The following OR51B5 variants were observed in gnomAD, a reference collection of about 807,000 sequenced individuals.
OR51B5 encodes olfactory receptor 51B5.
For synonymous variants in OR51B5, 186 were observed against 144.8 expected, an observed-to-expected ratio of 1.28 and a Z score of -2.04; for missense variants, 456 against 374.6, an observed-to-expected ratio of 1.22 and a Z score of -1.79.
chr11:5,496,309 T>G (rs974907506), intron 1 of OR51B5, among the ~76,000 whole-genome samples: 1 of 624 alleles, frequency 1.6e-3, no homozygotes, highest in Admixed American at 0.024. Context: ...TTTTATCTCT[T>G]ATGCATTTCT....
intron 1 of OR51B5, among the ~76,000 whole-genome samples, chr11:5,356,000 A>G (rs1378796043): frequency 6.8e-6 from 1 of 146,580 alleles, no homozygotes; most frequent in African/African-American, 2.5e-5. Context: ...CAAAGACCAA[A>G]GGTAGATAAA....
chr11:5,356,293 A>G lies in OR51B5; in HGVS notation n.85-9383T>C, dbSNP rs1195484031. On this transcript the variant is annotated intron_variant and non_coding_transcript_variant, in intron 1 of 4. Coordinates refer to the OR51B5 transcript ENST00000415970. Reference sequence around the variant, plus strand: ...GAGAAGTCCTTAAAGGACCTGATGGAGCTGAAAACCAAGGCATGAGAACTA... The same window carrying G: ...GAGAAGTCCTTAAAGGACCTGATGGGGCTGAAAACCAAGGCATGAGAACTA... 8.5e-5 allele frequency among the ~76,000 whole-genome samples: 13 copies of G among 152,162 alleles called. No homozygotes were observed. The South Asian group carries it at 2.3e-3, about 27-fold the overall frequency.
intron 1 of OR51B5, among the ~76,000 whole-genome samples, chr11:5,379,474 A>AACAT (rs1849577898): frequency 8.4e-6 from 1 of 119,602 alleles, no homozygotes; most frequent in Non-Finnish European, 1.9e-5. Context: ...AATAATAAAT[A>AACAT]AAATAAATAA....
At chr11:5,357,874 A>C (rs1244028640) in intron 1 of OR51B5, among the ~76,000 whole-genome samples, 7 of 151,904 alleles carry the variant, frequency 4.6e-5, no homozygotes, top group African/African-American at 1.4e-4. Context: ...AACCGAACAA[A>C]TTGCTCCTGA....
chr11:5,441,604 G>A, intron 1 of OR51B5: 1 of 968,978 alleles, frequency 1.0e-6, no homozygotes, highest in Admixed American at 2.4e-5. Context: ...CCAACAAAAG[G>A]TCATAGATTG....
At chr11:5,344,079 C>A (rs1232043794), upstream of OR51B5, among the ~76,000 whole-genome samples, 1 of 152,168 alleles carries the variant, frequency 6.6e-6, no homozygotes, top group Non-Finnish European at 1.5e-5. Context: ...AGCTAAGGAG[C>A]AGTCAGATTG....
intron 1 of OR51B5, among the ~76,000 whole-genome samples, chr11:5,418,236 C>T (rs1056076120): frequency 2.0e-5 from 3 of 151,894 alleles, no homozygotes; most frequent in Non-Finnish European, 4.4e-5. Flanking sequence ...AGGGGAACAT[C>T]ACACTCTGGG....
intron 1 of OR51B5, chr11:5,352,225 GTC>G: frequency 1.2e-6 from 2 of 1,614,146 alleles, no homozygotes; most frequent in Non-Finnish European, 1.7e-6. Context: ...CAACACATGT[GTC>G]TCTCATATCT....
intron 1 of OR51B5, chr11:5,422,804 T>C (rs1197449017): frequency 6.2e-7 from 1 of 1,614,144 alleles, no homozygotes; most frequent in East Asian, 2.2e-5. Flanking sequence ...CTGGTATGGA[T>C]TTGCTCTTGC....
intron 1 of OR51B5, chr11:5,352,060 C>T (rs1589947759): frequency 6.2e-7 from 1 of 1,614,034 alleles, no homozygotes; most frequent in Middle Eastern, 1.6e-4. Flanking sequence ...TGTCATCAAG[C>T]TAGCCTGTGC....
intron 1 of OR51B5, among the ~76,000 whole-genome samples, chr11:5,469,714 C>A (rs1232208547): frequency 6.6e-6 from 1 of 152,084 alleles, no homozygotes; most frequent in African/African-American, 2.4e-5. Flanking sequence ...TAGTTTTTTA[C>A]ATTGGTTGAC....
At chr11:5,416,916 G>T (rs1324853039) in intron 1 of OR51B5, among the ~76,000 whole-genome samples, 1 of 151,230 alleles carries the variant, frequency 6.6e-6, no homozygotes, top group African/African-American at 2.4e-5. Flanking sequence ...TCACAGAATT[G>T]GAAAAAACTA....
chr11:5,424,992 AAAAAAGAAGTG>A (rs1399476662), intron 1 of OR51B5, among the ~76,000 whole-genome samples: 1 of 144,778 alleles, frequency 6.9e-6, no homozygotes, highest in Non-Finnish European at 1.5e-5. Context: ...AAAAAAAAAA[AAAAAAGAAGTG>A]AAAGGCAGAA....
intron 1 of OR51B5, chr11:5,468,398 T>C (rs1220467317): frequency 1.0e-5 from 3 of 287,148 alleles, no homozygotes; most frequent in African/African-American, 4.5e-5. Flanking sequence ...TGGAGGGAGA[T>C]TGAAAGGCTC....
chr11:5,409,546 T>C (rs1850111722), intron 1 of OR51B5, among the ~76,000 whole-genome samples: 1 of 151,660 alleles, frequency 6.6e-6, no homozygotes, highest in South Asian at 2.1e-4. Flanking sequence ...TTTAAAAGAA[T>C]ATTAAAGGCA....
chr11:5,365,322 T>C (rs1849347801), intron 1 of OR51B5, among the ~76,000 whole-genome samples: 1 of 152,076 alleles, frequency 6.6e-6, no homozygotes, highest in South Asian at 2.1e-4. Context: ...AAAACATGGG[T>C]ATAGAGCATA....
chr11:5,401,867 TC>T (rs1849973755), intron 1 of OR51B5, among the ~76,000 whole-genome samples: 1 of 97,182 alleles, frequency 1.0e-5, no homozygotes, highest in Non-Finnish European at 2.0e-5. Flanking sequence ...TTTTTCTTTT[TC>T]CTTCCTTCCT....
At chr11:5,446,709 C>T (rs1850768825) in intron 1 of OR51B5, among the ~76,000 whole-genome samples, 1 of 152,192 alleles carries the variant, frequency 6.6e-6, no homozygotes, top group Non-Finnish European at 1.5e-5. Flanking sequence ...CATTCCCTGC[C>T]ATGCCTATAT....
chr11:5,473,944 G>T (rs1851267742), intron 1 of OR51B5, among the ~76,000 whole-genome samples: 1 of 151,898 alleles, frequency 6.6e-6, no homozygotes, highest in Admixed American at 6.6e-5. Flanking sequence ...ACTAGGAAAT[G>T]AGAAAAATAA....
Sources: allele counts gnomAD v4.1 joint callset (sites outside exome capture counted in the v4.1 genomes callset), GRCh38; gene constraint gnomAD v4.1.1; transcripts MANE v1.5; gene names NCBI Gene and HGNC (gene_info 2026-07-23, HGNC 2026-07-21).